Variants in MAST4 observed in about 807,000 individuals in gnomAD.
MAST4 encodes the protein microtubule associated serine/threonine kinase family member 4, also known as microtubule-associated serine/threonine-protein kinase 4.
MAST4 carries 89 observed loss-of-function variants against 162.7 expected under a neutral mutation model. The ratio of observed to expected loss-of-function variants is 0.55; its 90% CI spans 0.46 to 0.65. The LOEUF is 0.65. MAST4 is among the 30% of genes least tolerant of loss of function. MAST4 has a pLI of 0.00. For synonymous variants in MAST4, 1,479 were observed against 1,361.1 expected, an observed-to-expected ratio of 1.09 and a Z score of -1.91; for missense variants, 3,153 against 3,374.0, an observed-to-expected ratio of 0.93 and a Z score of 1.62.
chr5:66,653,337 C>T (rs1465398229), intron 1 of MAST4, among the ~76,000 whole-genome samples: 1 of 152,192 alleles, frequency 6.6e-6, no homozygotes, highest in East Asian at 1.9e-4. Flanking sequence ...TTACTTCTCT[C>T]TTTCCCTTGT....
intron 3 of MAST4, chr5:66,792,504 A>G (rs1436619558): frequency 6.3e-6 from 1 of 157,738 alleles, no homozygotes; most frequent in African/African-American, 2.4e-5. Flanking sequence ...CATTCAGTAA[A>G]TAATGTTGAA....
intron 4 of MAST4, among the ~76,000 whole-genome samples, chr5:66,903,677 A>G (rs73765891): frequency 0.019 from 2,929 of 152,252 alleles, 93 homozygotes; most frequent in African/African-American, 0.067. Context: ...AGCATTCATG[A>G]CGGTATATTA....
intron 1 of MAST4, among the ~76,000 whole-genome samples, chr5:66,724,005 G>A (rs1751368332): frequency 6.6e-6 from 1 of 152,076 alleles, no homozygotes; most frequent in African/African-American, 2.4e-5. Context: ...TGGGGATGGT[G>A]AGTTGAAGGG....
At chr5:66,885,996 T>G (rs1383736192) in intron 3 of MAST4, among the ~76,000 whole-genome samples, 1 of 152,190 alleles carries the variant, frequency 6.6e-6, no homozygotes, top group Non-Finnish European at 1.5e-5. Context: ...CTCTGACTTC[T>G]CAAATCTACA....
rs571832052 is a variant in MAST4, at chr5:66,756,409, C to T, written c.364-3300C>T. On this transcript the variant is annotated intron_variant, in intron 1 of 28. Transcript: ENST00000403625. ...ACACAGCCTGCTTAGGGAGAGGAAC[C>T]ACAAGTATTTGAAGCAGGGGTATCA... Among the ~76,000 whole-genome samples the T allele has an allele frequency of 1.9e-4, 29 of 152,286 alleles. No individual in the cohort carries two copies. In the East Asian group the frequency reaches 5.6e-3, roughly 29 times the overall value.
At position 66,853,777 on chromosome 5, in the gene MAST4, G is replaced by A. The variant is rs147462048; in HGVS notation, c.643-46174G>A. ...CCTAATTCCTGCAAGGATTTTTTGT[G>A]GAAAAGGAAATCAGAATTCTTTTCT... On this transcript the variant is annotated intron_variant, in intron 3 of 28. Transcript: ENST00000403625. Among the ~76,000 whole-genome samples the A allele has an allele frequency of 2.2e-3, 335 of 152,108 alleles. 3 individuals are homozygous for A. Among genetic ancestry groups the A allele is most frequent in the African/African-American group, 7.7e-3 (320 of 41,506 alleles).
At chr5:67,014,576 G>A (rs1288478502) in intron 4 of MAST4, among the ~76,000 whole-genome samples, 1 of 152,144 alleles carries the variant, frequency 6.6e-6, no homozygotes, top group Non-Finnish European at 1.5e-5. Flanking sequence ...CTTATTTGTA[G>A]CATTCTTTCT....
At position 67,065,958 on chromosome 5, in the gene MAST4, G is replaced by C. The variant is rs1024871182; in HGVS notation, c.763+11466G>C. 2.6e-5 allele frequency among the ~76,000 whole-genome samples: 4 copies of C among 152,186 alleles called. No individual in the cohort carries two copies. The East Asian group carries it at 7.7e-4, about 29-fold the overall frequency. On this transcript the variant is annotated intron_variant, in intron 5 of 28. Transcript: ENST00000403625. ...CACTGTGGCAACCCAGAAGTTTAGA[G>C]GGTTCAAGCCTGGGGAGGAGGAGCC...
At chr5:66,988,450 T>C (rs1162869519) in intron 4 of MAST4, among the ~76,000 whole-genome samples, 1 of 152,212 alleles carries the variant, frequency 6.6e-6, no homozygotes, top group East Asian at 1.9e-4. Flanking sequence ...AACTATTTTA[T>C]CTGTTAGTAT....
intron 26 of MAST4, among the ~76,000 whole-genome samples, chr5:67,158,577 AT>A (rs992874385): frequency 1.3e-5 from 2 of 152,012 alleles, no homozygotes; most frequent in South Asian, 2.1e-4. Flanking sequence ...TCTCAAAAAA[AT>A]TTTTTTTAAT....
rs1480485122 is a variant in MAST4, at chr5:66,768,947, T to C, written c.517+9085T>C. On this transcript the variant is annotated intron_variant, in intron 2 of 28. Transcript: ENST00000403625. ...TAATGGCTTCATTTTTCTCAGTGCA[T>C]TGTGAGAGACCATGGGGGAAGGGGT... Among the ~76,000 whole-genome samples, 7 of 152,144 alleles carry C rather than the reference T, an allele frequency of 4.6e-5. No individual in the cohort carries two copies. The Middle Eastern group carries it at 0.014, about 296-fold the overall frequency.
At chr5:66,847,036 T>C (rs1005927401) in intron 3 of MAST4, among the ~76,000 whole-genome samples, 3 of 152,150 alleles carry the variant, frequency 2.0e-5, no homozygotes, top group Admixed American at 1.3e-4. Flanking sequence ...TCTTTCTTAG[T>C]GGACATTAAT....
chr5:66,656,491 TA>T (rs1278939502), intron 1 of MAST4, among the ~76,000 whole-genome samples: 1 of 152,290 alleles, frequency 6.6e-6, no homozygotes, highest in East Asian at 1.9e-4. Flanking sequence ...AATAAGCTTG[TA>T]TGTCTCACCC....
intron 9 of MAST4, among the ~76,000 whole-genome samples, chr5:67,103,291 C>T (rs1398285096): frequency 1.3e-5 from 2 of 152,214 alleles, no homozygotes; most frequent in African/African-American, 2.4e-5. Flanking sequence ...CCCCTCTCCA[C>T]GTTTTTCCGA....
chr5:66,661,802 A>G (rs1378441814), intron 1 of MAST4, among the ~76,000 whole-genome samples: 1 of 152,218 alleles, frequency 6.6e-6, no homozygotes, highest in Non-Finnish European at 1.5e-5. Context: ...AAAGAATTTA[A>G]TATTTTTAAC....
At chr5:67,107,226 A>G (rs1395176848) in intron 10 of MAST4, among the ~76,000 whole-genome samples, 1 of 152,184 alleles carries the variant, frequency 6.6e-6, no homozygotes, top group Non-Finnish European at 1.5e-5. Flanking sequence ...TTGCTATCCA[A>G]AGCTATTTAC....
intron 3 of MAST4, among the ~76,000 whole-genome samples, chr5:66,850,929 C>CTTT (rs59161379): frequency 2.9e-5 from 4 of 137,660 alleles, no homozygotes; most frequent in South Asian, 2.3e-4. Context: ...CATTTTAAGC[C>CTTT]TTTTTTTTTT....
Position 67,165,950 on chromosome 5 carries a change from G to A in MAST4, c.6771G>A (p.Gln2257=), listed in dbSNP as rs767885612. Residue 2257 remains glutamine, a synonymous_variant, in exon 29 of 29, where the codon CAG becomes CAA. Transcript: ENST00000403625. Reference sequence around the variant, plus strand: ...TGTTTCCTGCTACCCCAGGCTCCCAGAACAAAGCCAGCGATGGGATTGGCC... The same window carrying A: ...TGTTTCCTGCTACCCCAGGCTCCCAAAACAAAGCCAGCGATGGGATTGGCC... The part of the protein sequence containing the change: ...PDVFPATPGS[Q]NKASDGIGQG... 2 of 1,613,440 alleles carry A rather than the reference G, an allele frequency of 1.2e-6. No individual in the cohort carries two copies. The highest frequency in any genetic ancestry group is 1.7e-6 in the Non-Finnish European group (2 of 1,179,836).
chr5:66,741,429 T>C (rs1315374359), intron 1 of MAST4, among the ~76,000 whole-genome samples: 2 of 152,148 alleles, frequency 1.3e-5, no homozygotes, highest in African/African-American at 2.4e-5. Flanking sequence ...AAGGGCCAGA[T>C]AGTAAATATT....
Sources: allele counts gnomAD v4.1 joint callset (sites outside exome capture counted in the v4.1 genomes callset), GRCh38; gene constraint gnomAD v4.1.1; transcripts MANE v1.5; gene names NCBI Gene and HGNC (gene_info 2026-07-23, HGNC 2026-07-21).